The following PIK3CB variants were observed in gnomAD, a reference collection of about 807,000 sequenced individuals.
PIK3CB encodes phosphatidylinositol-4,5-bisphosphate 3-kinase catalytic subunit beta, also known as phosphatidylinositol 4,5-bisphosphate 3-kinase catalytic subunit beta isoform.
PIK3CB carries 39 observed loss-of-function variants against 136.8 expected under a neutral mutation model. The observed-to-expected ratio is 0.29, with a 90% CI of 0.22 to 0.37. The LOEUF is 0.37. Ranked by LOEUF, PIK3CB falls within the 10% of genes least tolerant of loss-of-function variation. The pLI, the probability that PIK3CB is intolerant of heterozygous loss-of-function variation, is 1.00. For synonymous variants in PIK3CB, 428 were observed against 436.6 expected, an observed-to-expected ratio of 0.98 and a Z score of 0.25; for missense variants, 868 against 1,275.4, an observed-to-expected ratio of 0.68 and a Z score of 4.87.
chr3:138,771,750 C>G (rs2045802910), intron 2 of PIK3CB, among the ~76,000 whole-genome samples: 1 of 151,980 alleles, frequency 6.6e-6, no homozygotes. Flanking sequence ...GACCCCATCT[C>G]TACAAAAATT....
chr3:138,821,227 T>C (rs1933546419), intron 1 of PIK3CB, among the ~76,000 whole-genome samples: 1 of 151,152 alleles, frequency 6.6e-6, no homozygotes, highest in Non-Finnish European at 1.5e-5. Flanking sequence ...GAAGTTGCAG[T>C]GTGCCGAGAT....
chr3:138,735,595 C>T (rs1372638167), intron 6 of PIK3CB, among the ~76,000 whole-genome samples: 7 of 152,092 alleles, frequency 4.6e-5, no homozygotes, highest in Admixed American at 3.3e-4. Flanking sequence ...TATTACCAGC[C>T]GTCTTCCCAT....
intron 17 of PIK3CB, 122 bp downstream of exon 17, chr3:138,684,503 T>G: frequency 1.0e-5 from 6 of 590,736 alleles, no homozygotes; most frequent in Non-Finnish European, 1.6e-5. Flanking sequence ...ACTTTTAAGA[T>G]TTTCCTTCCT....
chr3:138,679,376 G>T (rs1199993338), intron 19 of PIK3CB, among the ~76,000 whole-genome samples: 1 of 151,950 alleles, frequency 6.6e-6, no homozygotes, highest in African/African-American at 2.4e-5. Flanking sequence ...GCCCAGGATA[G>T]TCTTGAACTC....
intron 5 of PIK3CB, among the ~76,000 whole-genome samples, chr3:138,738,653 T>G (rs1416716822): frequency 6.6e-6 from 1 of 152,190 alleles, no homozygotes; most frequent in East Asian, 1.9e-4. Context: ...TAGTTTGGAA[T>G]CGATATAGCA....
chr3:138,677,247 C>T (rs1004922441), intron 19 of PIK3CB, among the ~76,000 whole-genome samples: 1 of 151,862 alleles, frequency 6.6e-6, no homozygotes, highest in Non-Finnish European at 1.5e-5. Flanking sequence ...TTAGTAGAGA[C>T]GGGGTATCAC....
At chr3:138,670,431 A>G (rs2043510142) in intron 19 of PIK3CB, among the ~76,000 whole-genome samples, 1 of 152,220 alleles carries the variant, frequency 6.6e-6, no homozygotes. Flanking sequence ...GGATCAGTCA[A>G]GTAAAAACAT....
In PIK3CB at chr3:138,714,574, C is replaced by T. The variant is rs1194347036; in HGVS notation, c.1196G>A (p.Arg399Gln). 2 of 1,613,540 alleles carry T rather than the reference C, an allele frequency of 1.2e-6. No individual in the cohort carries two copies. The highest frequency in any genetic ancestry group is 1.7e-6 in the Non-Finnish European group (2 of 1,179,566). ...INICDLPRMA[R>Q]LCFAVYAVLD... ...AACTGCATAAACAGCAAAACATAAT[C>T]GAGCCATTCTTGGTAAGTCACAAAT... Residue 399 changes from arginine to glutamine, a missense_variant, in exon 9 of 24, where the codon CGA becomes CAA. By Grantham distance (43) the Arg-to-Gln change is conservative (BLOSUM62 1). Coordinates refer to ENST00000674063, the MANE Select transcript of PIK3CB (RefSeq NM_006219.3).
At chr3:138,776,922 C>CAAAAAA (rs11435742) in intron 2 of PIK3CB, among the ~76,000 whole-genome samples, 4 of 57,388 alleles carry the variant, frequency 7.0e-5, no homozygotes, top group Non-Finnish European at 7.2e-5. Context: ...GACTCTACCT[C>CAAAAAA]AAAAAAAAAA....
chr3:138,707,309 T>G lies in PIK3CB; in HGVS notation c.1400-20A>C. On this transcript the variant is annotated intron_variant, in intron 10 of 23. Transcript: ENST00000674063. Reference sequence around the variant, plus strand: ...GTTCATCTAAAACATGCAAATAATTTTGGTTCTTAAAAAATGTCTTTAAAA... The same window carrying G: ...GTTCATCTAAAACATGCAAATAATTGTGGTTCTTAAAAAATGTCTTTAAAA... 2 of 1,581,208 alleles carry G rather than the reference T, an allele frequency of 1.3e-6. No homozygotes were observed. The highest frequency in any genetic ancestry group is 2.4e-5 in the South Asian group (2 of 84,622).
At chr3:138,697,165 G>A (rs895642824) in intron 13 of PIK3CB, among the ~76,000 whole-genome samples, 1 of 152,102 alleles carries the variant, frequency 6.6e-6, no homozygotes, top group Admixed American at 6.6e-5. Flanking sequence ...TCTTAGATAT[G>A]TACTCAGCAC....
chr3:138,663,336 C>T (rs1373560177), intron 21 of PIK3CB, among the ~76,000 whole-genome samples: 1 of 152,172 alleles, frequency 6.6e-6, no homozygotes, highest in Non-Finnish European at 1.5e-5. Flanking sequence ...ATCCCAAATA[C>T]TATTTCTTAT....
chr3:138,723,987 C>A (rs1247191263), intron 8 of PIK3CB, among the ~76,000 whole-genome samples: 1 of 152,012 alleles, frequency 6.6e-6, no homozygotes, highest in Non-Finnish European at 1.5e-5. Context: ...CTTCAGACAC[C>A]AAATGTGAGG....
chr3:138,755,292 G>A (rs895166309), intron 4 of PIK3CB, among the ~76,000 whole-genome samples: 9 of 152,080 alleles, frequency 5.9e-5, no homozygotes, highest in Non-Finnish European at 1.0e-4. Context: ...AACAATCTGA[G>A]GTAAAGCAAC....
intron 2 of PIK3CB, among the ~76,000 whole-genome samples, chr3:138,787,566 T>C (rs2045995850): frequency 6.6e-6 from 1 of 152,114 alleles, no homozygotes; most frequent in African/African-American, 2.4e-5. Context: ...TCACATTTTT[T>C]CCCTTTCATA....
At chr3:138,693,966 T>TA (rs1457395869) in intron 14 of PIK3CB, among the ~76,000 whole-genome samples, 5,692 of 41,164 alleles carry the variant, frequency 0.14, 493 homozygotes, top group East Asian at 0.17. Context: ...TATATATATA[T>TA]TATATATATA....
At chr3:138,823,310 T>G (rs953203917) in intron 1 of PIK3CB, among the ~76,000 whole-genome samples, 6 of 151,936 alleles carry the variant, frequency 3.9e-5, no homozygotes, top group Non-Finnish European at 8.8e-5. Flanking sequence ...TAAACAATTT[T>G]AAGTGATCAT....
chr3:138,671,398 C>T (rs1249141186), intron 19 of PIK3CB, among the ~76,000 whole-genome samples: 2 of 152,058 alleles, frequency 1.3e-5, no homozygotes, highest in African/African-American at 2.4e-5. Flanking sequence ...GTCGATCACA[C>T]GTCTAACCGT....
intron 19 of PIK3CB, among the ~76,000 whole-genome samples, chr3:138,678,999 G>A (rs905098777): frequency 3.9e-5 from 6 of 152,114 alleles, no homozygotes; most frequent in Non-Finnish European, 7.4e-5. Context: ...CCAGGAGGCA[G>A]AGATTGCAGT....
Sources: allele counts gnomAD v4.1 joint callset (sites outside exome capture counted in the v4.1 genomes callset), GRCh38; gene constraint gnomAD v4.1.1; transcripts MANE v1.5; gene names NCBI Gene and HGNC (gene_info 2026-07-23, HGNC 2026-07-21).